Variants in CDH18 observed in about 807,000 individuals in gnomAD.
The protein encoded by CDH18 is cadherin-18.
Under a neutral mutation model 67.9 loss-of-function variants are expected in CDH18, and 31 were observed. The ratio of observed to expected loss-of-function variants is 0.46; its 90% CI spans 0.34 to 0.62. The LOEUF (loss-of-function observed/expected upper bound fraction) is 0.62, where lower values mean the gene tolerates loss of function less well. CDH18 is among the 20% of genes least tolerant of loss of function. The pLI is 0.01. For missense variants in CDH18, 890 were observed against 975.5 expected (o/e 0.91, Z 1.17); for synonymous variants, 362 against 347.2 (o/e 1.04, Z -0.48).
intron 2 of CDH18, among the ~76,000 whole-genome samples, chr5:20,225,423 A>G (rs931914340): frequency 4.6e-5 from 7 of 152,214 alleles, no homozygotes; most frequent in Admixed American, 1.3e-4. Flanking sequence ...TAAAGAGAGT[A>G]GATAAAAAAA....
intron 2 of CDH18, among the ~76,000 whole-genome samples, chr5:19,999,022 T>C (rs769690647): frequency 3.9e-5 from 6 of 152,148 alleles, no homozygotes; most frequent in Non-Finnish European, 7.3e-5. Context: ...AATGTTAAAT[T>C]ATTATTATCA....
chr5:19,827,226 T>C (rs1780504190), intron 3 of CDH18, among the ~76,000 whole-genome samples: 1 of 149,416 alleles, frequency 6.7e-6, no homozygotes, highest in South Asian at 2.1e-4. Context: ...CCCAAGTTCA[T>C]AAAGCAAGTT....
intron 5 of CDH18, among the ~76,000 whole-genome samples, chr5:19,647,492 T>A (rs1335129495): frequency 2.3e-5 from 3 of 128,524 alleles, no homozygotes; most frequent in African/African-American, 6.1e-5. Flanking sequence ...ATCATGCCAT[T>A]GTACTCCAGC....
chr5:20,207,471 G>C (rs772716217), intron 2 of CDH18, among the ~76,000 whole-genome samples: 3 of 151,972 alleles, frequency 2.0e-5, no homozygotes, highest in Non-Finnish European at 4.4e-5. Flanking sequence ...AAAAGAAAGA[G>C]GTTTAAGGGA....
intron 5 of CDH18, among the ~76,000 whole-genome samples, chr5:19,689,516 C>T (rs561089012): frequency 6.6e-6 from 1 of 151,970 alleles, no homozygotes; most frequent in African/African-American, 2.4e-5. Flanking sequence ...ATCATCCCTA[C>T]AAGAAATGTT....
chr5:19,563,801 T>G (rs1208339904), intron 8 of CDH18, among the ~76,000 whole-genome samples: 6 of 152,154 alleles, frequency 3.9e-5, no homozygotes, highest in Admixed American at 3.9e-4. Flanking sequence ...AACACTATAT[T>G]AATGAATGGG....
intron 1 of CDH18, among the ~76,000 whole-genome samples, chr5:20,261,041 A>C (rs10473372): frequency 0.41 from 61,833 of 151,962 alleles, 12,631 homozygotes; most frequent in South Asian, 0.47. Flanking sequence ...AACCCAGTAC[A>C]TTTGTGATAA....
At chr5:19,678,674 C>T (rs1028483062) in intron 5 of CDH18, among the ~76,000 whole-genome samples, 9 of 151,758 alleles carry the variant, frequency 5.9e-5, no homozygotes, top group Non-Finnish European at 1.2e-4. Context: ...ATGAACACTT[C>T]CATGCACACA....
intron 1 of CDH18, among the ~76,000 whole-genome samples, chr5:20,514,578 T>C (rs1490823669): frequency 1.3e-5 from 2 of 152,100 alleles, no homozygotes; most frequent in East Asian, 1.9e-4. Context: ...GAGCTGATTG[T>C]AGTAGCTAAG....
chr5:19,645,008 A>T (rs1754531222), intron 5 of CDH18, among the ~76,000 whole-genome samples: 2 of 152,104 alleles, frequency 1.3e-5, no homozygotes, highest in South Asian at 4.1e-4. Context: ...CTTGTCTTTC[A>T]CCTTTCTGCT....
At chr5:20,556,225 T>C (rs1255357675) in intron 1 of CDH18, among the ~76,000 whole-genome samples, 1 of 152,168 alleles carries the variant, frequency 6.6e-6, no homozygotes, top group African/African-American at 2.4e-5. Context: ...CCTCATGCTG[T>C]CCTGACAGGC....
chr5:20,499,267 T>C (rs1439099498), intron 1 of CDH18, among the ~76,000 whole-genome samples: 3 of 152,158 alleles, frequency 2.0e-5, no homozygotes, highest in Non-Finnish European at 4.4e-5. Flanking sequence ...TCTTCCTATA[T>C]ATTTTAAATC....
At chr5:19,906,954 A>T (rs935716682) in intron 2 of CDH18, among the ~76,000 whole-genome samples, 3 of 152,050 alleles carry the variant, frequency 2.0e-5, no homozygotes, top group African/African-American at 7.2e-5. Flanking sequence ...TTTATAGGTA[A>T]ATAGAGTTTA....
At chr5:20,024,137 T>C (rs1738682623) in intron 2 of CDH18, among the ~76,000 whole-genome samples, 2 of 152,248 alleles carry the variant, frequency 1.3e-5, no homozygotes, top group African/African-American at 4.8e-5. Context: ...GTTATTTACT[T>C]GTCAAAATGT....
At chr5:19,770,507 A>G (rs539972884) in intron 3 of CDH18, among the ~76,000 whole-genome samples, 2 of 152,200 alleles carry the variant, frequency 1.3e-5, no homozygotes, top group Admixed American at 6.5e-5. Flanking sequence ...ATGTGACAAT[A>G]TAATTTAACA....
intron 1 of CDH18, among the ~76,000 whole-genome samples, chr5:20,567,358 A>G (rs1024366305): frequency 4.6e-5 from 7 of 152,334 alleles, no homozygotes; most frequent in Middle Eastern, 3.4e-3. Flanking sequence ...TTTTTTAAAC[A>G]AATGACTTTG....
At chr5:20,507,700 CAT>C (rs149473911) in intron 1 of CDH18, among the ~76,000 whole-genome samples, 4,795 of 152,112 alleles carry the variant, frequency 0.032, 88 homozygotes, top group Non-Finnish European at 0.043. Flanking sequence ...TTTTAAATCA[CAT>C]GTTATTATTA....
intron 2 of CDH18, among the ~76,000 whole-genome samples, chr5:20,078,585 T>G (rs13171475): frequency 0.76 from 114,486 of 150,210 alleles, 46,164 homozygotes; most frequent in Non-Finnish European, 0.9. Context: ...TGACATTTTG[T>G]TTTTTTTGGT....
chr5:19,626,817 T>C (rs1751625748), intron 5 of CDH18, among the ~76,000 whole-genome samples: 2 of 152,196 alleles, frequency 1.3e-5, no homozygotes, highest in Admixed American at 6.5e-5. Flanking sequence ...AGGACTATAA[T>C]AGTGATATGC....
Sources: allele counts gnomAD v4.1 joint callset (sites outside exome capture counted in the v4.1 genomes callset), GRCh38; gene constraint gnomAD v4.1.1; transcripts MANE v1.5; gene names NCBI Gene and HGNC (gene_info 2026-07-23, HGNC 2026-07-21).